WDR64: variants seen among roughly 807,000 people sequenced by gnomAD.
The protein encoded by WDR64 is WD repeat domain 64.
A neutral mutation model predicts 139.3 loss-of-function variants in WDR64; 112 were observed. The ratio of observed to expected loss-of-function variants is 0.80; its 90% CI spans 0.69 to 0.94. WDR64 has a LOEUF of 0.94. Among genes scored for constraint, WDR64 ranks in the 40% least tolerant of loss-of-function variants. The pLI is 0.00. For missense variants in WDR64, 1,206 were observed against 1,293.1 expected (o/e 0.93, Z 1.03); for synonymous variants, 444 against 437.7 (o/e 1.01, Z -0.18).
intron 4 of WDR64, chr1:241,677,314 C>G (rs765149156): frequency 5.0e-6 from 2 of 398,364 alleles, no homozygotes; most frequent in African/African-American, 4.1e-5. Context: ...GGTTTTCTTA[C>G]AGCGATGTAT....
At chr1:241,760,739 T>A (rs1309930034) in intron 15 of WDR64, among the ~76,000 whole-genome samples, 1 of 147,958 alleles carries the variant, frequency 6.8e-6, no homozygotes, top group Non-Finnish European at 1.5e-5. Context: ...TTATTTTATA[T>A]ATATATATAG....
rs1171892383 is a variant in WDR64 at position 241,656,271 on chromosome 1, GC to G, written c.145+3643del. On this transcript the variant is annotated intron_variant, in intron 1 of 27. Transcript: ENST00000437684. This position sits in a 1 kb window ranked among gnomAD's most constrained non-coding sequence, Gnocchi z 4.3. ...TAAGGTCTCCCTCTCACTATTACAG[GC>G]AAGGAACTAAGAACTAGAGAGAATG... is the stretch of plus-strand genomic sequence containing the variant. Among the ~76,000 whole-genome samples the G allele has an allele frequency of 2.6e-5, 4 of 152,138 alleles. No homozygotes were observed. Among genetic ancestry groups the G allele is most frequent in the Admixed American group, 6.5e-5 (1 of 15,272 alleles).
intron 9 of WDR64, among the ~76,000 whole-genome samples, chr1:241,712,331 T>C (rs1004882859): frequency 6.6e-6 from 1 of 152,030 alleles, no homozygotes; most frequent in Non-Finnish European, 1.5e-5. Flanking sequence ...AGTTAACAGA[T>C]GAGAAGACCA....
intron 2 of WDR64, among the ~76,000 whole-genome samples, chr1:241,664,181 T>A (rs1665942917): frequency 6.6e-6 from 1 of 152,218 alleles, no homozygotes; most frequent in South Asian, 2.1e-4. Context: ...CTGCGGATAT[T>A]CCCCCATAGA....
chr1:241,699,726 A>G (rs967378362), intron 8 of WDR64, among the ~76,000 whole-genome samples: 1 of 152,192 alleles, frequency 6.6e-6, no homozygotes, highest in Non-Finnish European at 1.5e-5. Context: ...ATTCACAAAG[A>G]TATGGAAGAG....
chr1:241,691,133 G>A (rs889252525), intron 8 of WDR64, among the ~76,000 whole-genome samples: 4 of 151,864 alleles, frequency 2.6e-5, no homozygotes, highest in East Asian at 2.0e-4. Context: ...GGTCAACCAC[G>A]AAAAATTGTT....
At chr1:241,729,445 G>C (rs1284694942) in intron 10 of WDR64, among the ~76,000 whole-genome samples, 1 of 152,146 alleles carries the variant, frequency 6.6e-6, no homozygotes, top group Admixed American at 6.6e-5. Context: ...ATAAAGTTCA[G>C]ATTATTTTTT....
rs1311047522 is a variant in WDR64, at chr1:241,775,455, GTGTA to G, written c.2536+249_2536+252del. ...ATTGCCCTCCTTCTGTCTTTAAAAT[GTGTA>G]TGTGTCTACCCATCTGTGTATCTTA... On this transcript the variant is annotated intron_variant, in intron 21 of 27. Transcript: ENST00000437684. 2.0e-5 allele frequency among the ~76,000 whole-genome samples: 3 copies of G among 152,166 alleles called. No individual in the cohort carries two copies. In the East Asian group the frequency reaches 5.8e-4, roughly 29 times the overall value.
At chr1:241,716,694 T>C (rs1668417005) in intron 9 of WDR64, among the ~76,000 whole-genome samples, 2 of 152,024 alleles carry the variant, frequency 1.3e-5, no homozygotes, top group Admixed American at 1.3e-4. Flanking sequence ...GTGATAATAA[T>C]ACAGATGAAA....
In WDR64 at chr1:241,655,178, T is replaced by C. The variant is rs537439610; in HGVS notation, c.145+2549T>C. Among the ~76,000 whole-genome samples the C allele has an allele frequency of 2.4e-3, 369 of 151,776 alleles. 1 individual carries two copies. Among genetic ancestry groups the C allele is most frequent in the Non-Finnish European group, 4.2e-3 (286 of 67,914 alleles). On this transcript the variant is annotated intron_variant, in intron 1 of 27. Coordinates refer to ENST00000437684, the MANE Select transcript of WDR64 (RefSeq NM_001367482.1). ...GGTGGGCGGATCACGAAGTCAGGAG[T>C]TCAAGACCAGCCTTGCCAACATGAT...
chr1:241,771,945 C>CATATATATATATAT (rs57383177), intron 19 of WDR64, among the ~76,000 whole-genome samples: 3 of 62,356 alleles, frequency 4.8e-5, no homozygotes, highest in Admixed American at 1.9e-4. Context: ...TACATACATA[C>CATATATATATATAT]ATATATATAT....
At chr1:241,717,873 T>C (rs1245161690) in intron 9 of WDR64, among the ~76,000 whole-genome samples, 1 of 152,144 alleles carries the variant, frequency 6.6e-6, no homozygotes, top group African/African-American at 2.4e-5. Flanking sequence ...TGTAGGAACT[T>C]AGAATAATAG....
intron 14 of WDR64, 113 bp from the exon 15 acceptor site, chr1:241,757,170 G>T: frequency 1.0e-6 from 1 of 957,908 alleles, no homozygotes; most frequent in Non-Finnish European, 1.5e-6. Context: ...CTGAAGATTT[G>T]GTAAAGCTAG....
At chr1:241,794,643 G>GAGTC (rs1558528040) in intron 25 of WDR64, among the ~76,000 whole-genome samples, 1 of 151,124 alleles carries the variant, frequency 6.6e-6, no homozygotes, top group Non-Finnish European at 1.5e-5. Context: ...CAAGTAGCTG[G>GAGTC]GACTACAGGC....
chr1:241,663,193 T>C (rs1665897639), intron 2 of WDR64, among the ~76,000 whole-genome samples: 1 of 152,130 alleles, frequency 6.6e-6, no homozygotes, highest in South Asian at 2.1e-4. Flanking sequence ...GAATAATAAT[T>C]GAGAGGCTTA....
chr1:241,708,727 G>T (rs1668057647), intron 8 of WDR64, among the ~76,000 whole-genome samples: 1 of 100,748 alleles, frequency 9.9e-6, no homozygotes, highest in Admixed American at 1.2e-4. Flanking sequence ...TTTTTTTAAG[G>T]ATTGGGTTTC....
chr1:241,744,538 T>C, intron 13 of WDR64, 22 bp downstream of exon 13: 6 of 1,611,968 alleles, frequency 3.7e-6, no homozygotes, highest in Non-Finnish European at 4.2e-6. Context: ...ATCCAGAATG[T>C]GGCGTCCCTG....
chr1:241,655,785 T>C (rs781386736), intron 1 of WDR64, among the ~76,000 whole-genome samples: 10 of 151,768 alleles, frequency 6.6e-5, no homozygotes, highest in Non-Finnish European at 1.3e-4. Flanking sequence ...TAAAAACTTC[T>C]GAACTTTCCC....
At chr1:241,675,091 T>TCCTCCCTCCCTCCTTCCC (rs1666462716) in intron 4 of WDR64, among the ~76,000 whole-genome samples, 2 of 93,472 alleles carry the variant, frequency 2.1e-5, no homozygotes, top group Non-Finnish European at 4.2e-5. Context: ...CCCTTCATCC[T>TCCTCCCTCCCTCCTTCCC]TCCTCCCTCC....
Sources: allele counts gnomAD v4.1 joint callset (sites outside exome capture counted in the v4.1 genomes callset), GRCh38; gene constraint gnomAD v4.1.1; non-coding constraint Gnocchi (gnomAD v3.1); transcripts MANE v1.5; gene names NCBI Gene and HGNC (gene_info 2026-07-23, HGNC 2026-07-21).